The following PDE3A variants were observed in gnomAD, a reference collection of about 807,000 sequenced individuals.
PDE3A encodes cGMP-inhibited 3',5'-cyclic phosphodiesterase 3A.
A neutral mutation model predicts 98.3 loss-of-function variants in PDE3A; 43 were observed. The ratio of observed to expected loss-of-function variants is 0.44; its 90% confidence interval spans 0.34 to 0.56. PDE3A has a LOEUF of 0.56. PDE3A is among the 20% of genes least tolerant of loss of function. The probability of loss-of-function intolerance (pLI) is 0.01; values close to 1 mark genes in which losing one functional copy is unlikely to be tolerated. For synonymous variants in PDE3A, 663 were observed against 567.9 expected (o/e 1.17, Z -2.38); for missense variants, 1,427 against 1,440.7 (o/e 0.99, Z 0.15).
At chr12:20,658,838 G>T (rs1335271135) in intron 15 of PDE3A, among the ~76,000 whole-genome samples, 2 of 152,098 alleles carry the variant, frequency 1.3e-5, no homozygotes, top group Non-Finnish European at 2.9e-5. Flanking sequence ...ATATTCCAGA[G>T]GGGCAGAGAA....
intron 2 of PDE3A, among the ~76,000 whole-genome samples, chr12:20,609,112 T>C (rs751261287): frequency 2.0e-5 from 3 of 152,018 alleles, no homozygotes; most frequent in Non-Finnish European, 4.4e-5. Flanking sequence ...CATTAAAAAA[T>C]TGAATAATGA....
chr12:20,438,260 G>T (rs1236853158), intron 1 of PDE3A, among the ~76,000 whole-genome samples: 1 of 151,994 alleles, frequency 6.6e-6, no homozygotes, highest in African/African-American at 2.4e-5. Context: ...TTTATCTTCA[G>T]CACAGCCAGC....
Position 20,507,671 on chromosome 12 carries a change from A to G in PDE3A, c.961-48989A>G, listed in dbSNP as rs150444692. On this transcript the variant is annotated intron_variant, in intron 1 of 15. Coordinates refer to ENST00000359062, the MANE Select transcript of PDE3A (RefSeq NM_000921.5). ...TTTCTAACAGCTGATGGCAACTCCAACCTTCCGCTTACTCTGTCAGAAATC... is the reference window on the plus strand; with the variant it reads ...TTTCTAACAGCTGATGGCAACTCCAGCCTTCCGCTTACTCTGTCAGAAATC... Among the ~76,000 whole-genome samples the G allele has an allele frequency of 2.9e-3, 438 of 152,012 alleles. 7 individuals are homozygous for G. In the Middle Eastern group the frequency reaches 0.041, roughly 14 times the overall value.
intron 1 of PDE3A, among the ~76,000 whole-genome samples, chr12:20,411,166 G>C (rs895418911): frequency 6.6e-6 from 1 of 151,942 alleles, no homozygotes; most frequent in Non-Finnish European, 1.5e-5. Context: ...TTACCATCTT[G>C]GTCATTTTTA....
At position 20,369,578 on chromosome 12, in the gene PDE3A, G is replaced by C. The variant is rs1240179857; in HGVS notation, c.294G>C (p.Ala98=). 3 of 1,554,712 alleles carry C rather than the reference G, an allele frequency of 1.9e-6. No homozygotes were observed. The highest frequency in any genetic ancestry group is 8.7e-7 in the Non-Finnish European group (1 of 1,150,778). Residue 98 remains alanine, a synonymous_variant, in exon 1 of 16, where the codon GCG becomes GCC. Transcript: ENST00000359062. ...AGCAGTGTAAGGAGGCGGCGGCGGC[G>C]GAGGAGGAGGAAGCAGCCCCGGGAG... ...DLEQCKEAAA[A]EEEEAAPGAE...
Position 20,369,851 on chromosome 12 carries a change from C to T in PDE3A, c.567C>T (p.Pro189=), listed in dbSNP as rs1943431045. The change falls in exon 1 of 16, where the codon CCC becomes CCT. Residue 189 remains proline (P), a synonymous_variant. Coordinates refer to ENST00000359062, the MANE Select transcript of PDE3A (RefSeq NM_000921.5). ...GVGEDHLLSL[P]AAGVVLSCLA... is the part of the protein sequence containing the mutation. Reference sequence around the variant, plus strand: ...GGGAGGATCACTTACTCTCACTCCCCGCCGCGGGGGTGGTGCTCAGCTGCT... The same window carrying T: ...GGGAGGATCACTTACTCTCACTCCCTGCCGCGGGGGTGGTGCTCAGCTGCT... 1.9e-6 allele frequency: 3 copies of T among 1,612,042 alleles called. No individual in the cohort carries two copies. Among genetic ancestry groups the T allele is most frequent in the Non-Finnish European group, 1.7e-6 (2 of 1,179,332 alleles).
chr12:20,522,856 A>G lies in PDE3A; in HGVS notation c.961-33804A>G, dbSNP rs1056635452. 2.0e-5 allele frequency among the ~76,000 whole-genome samples: 3 copies of G among 152,234 alleles called. No homozygotes were observed. In the East Asian group the frequency reaches 5.8e-4, roughly 29 times the overall value. ...GGGGAAGAATAACACATTTTATTTT[A>G]GAAAAGTTGTTTCAAAAGCTCATTA... On this transcript the variant is annotated intron_variant, in intron 1 of 15. Transcript: ENST00000359062.
Position 20,514,106 on chromosome 12 carries a change from T to G in PDE3A, c.961-42554T>G, listed in dbSNP as rs189717153. On this transcript the variant is annotated intron_variant, in intron 1 of 15. Transcript: ENST00000359062. Reference sequence around the variant, plus strand: ...TGCCCAGGTTTCACCCTAAAATAATTAAATCCACATCTCTGGGGTGAGACA... The same window carrying G: ...TGCCCAGGTTTCACCCTAAAATAATGAAATCCACATCTCTGGGGTGAGACA... Among the ~76,000 whole-genome samples, 438 of 152,288 alleles carry G rather than the reference T, an allele frequency of 2.9e-3. 7 individuals are homozygous for G. In the Middle Eastern group the frequency reaches 0.041, roughly 14 times the overall value.
At chr12:20,657,315 C>G (rs550627134) in intron 15 of PDE3A, among the ~76,000 whole-genome samples, 1 of 152,218 alleles carries the variant, frequency 6.6e-6, no homozygotes, top group Non-Finnish European at 1.5e-5. Context: ...ACCTAGGTCT[C>G]TTAATTTTTA....
At chr12:20,634,293 A>G (rs569910522) in intron 7 of PDE3A, among the ~76,000 whole-genome samples, 1 of 152,360 alleles carries the variant, frequency 6.6e-6, no homozygotes, top group East Asian at 1.9e-4. Context: ...GTCAGCTATG[A>G]GAAATGTCAC....
chr12:20,437,121 G>T (rs1460177801), intron 1 of PDE3A, among the ~76,000 whole-genome samples: 3 of 151,798 alleles, frequency 2.0e-5, no homozygotes, highest in Non-Finnish European at 2.9e-5. Context: ...CTACACATCT[G>T]GACTGTGCTA....
intron 1 of PDE3A, among the ~76,000 whole-genome samples, chr12:20,446,128 C>G (rs534542326): frequency 6.6e-6 from 1 of 152,154 alleles, no homozygotes; most frequent in Non-Finnish European, 1.5e-5. Context: ...TGAAATGAAG[C>G]CCTTCCCATC....
At chr12:20,505,204 A>G (rs1946094383) in intron 1 of PDE3A, among the ~76,000 whole-genome samples, 1 of 152,046 alleles carries the variant, frequency 6.6e-6, no homozygotes, top group Admixed American at 6.6e-5. Context: ...GGTACAGTAA[A>G]TTCATAATGC....
At chr12:20,492,192 G>C (rs780253903) in intron 1 of PDE3A, among the ~76,000 whole-genome samples, 5 of 152,144 alleles carry the variant, frequency 3.3e-5, no homozygotes, top group African/African-American at 4.8e-5. Context: ...CGTTGTCCAA[G>C]CTGGTCTCAA....
intron 2 of PDE3A, among the ~76,000 whole-genome samples, chr12:20,597,712 C>T (rs896046960): frequency 3.9e-5 from 6 of 152,146 alleles, no homozygotes; most frequent in Non-Finnish European, 7.3e-5. Context: ...AGGGTTTTCT[C>T]CTTTATCCTC....
intron 15 of PDE3A, among the ~76,000 whole-genome samples, chr12:20,670,055 C>A (rs1250956881): frequency 6.7e-6 from 1 of 150,172 alleles, no homozygotes; most frequent in Non-Finnish European, 1.5e-5. Context: ...ATCCTAGTCT[C>A]TGATAAAACA....
chr12:20,653,326 A>T (rs552542681), intron 14 of PDE3A, among the ~76,000 whole-genome samples: 1 of 152,234 alleles, frequency 6.6e-6, no homozygotes, highest in African/African-American at 2.4e-5. Context: ...AAAAAAGGAA[A>T]ATAGGCTACA....
intron 1 of PDE3A, among the ~76,000 whole-genome samples, chr12:20,389,117 T>A (rs1448307366): frequency 6.6e-6 from 1 of 151,894 alleles, no homozygotes; most frequent in Non-Finnish European, 1.5e-5. Flanking sequence ...TTCCACCCAG[T>A]TTTTACGGTT....
At chr12:20,620,589 G>T (rs554436247) in intron 4 of PDE3A, among the ~76,000 whole-genome samples, 29 of 152,100 alleles carry the variant, frequency 1.9e-4, no homozygotes, top group African/African-American at 6.7e-4. Context: ...CTCTAGTTCA[G>T]TCTTCCATGA....
Sources: allele counts gnomAD v4.1 joint callset (sites outside exome capture counted in the v4.1 genomes callset), GRCh38; gene constraint gnomAD v4.1.1; transcripts MANE v1.5; gene names NCBI Gene and HGNC (gene_info 2026-07-23, HGNC 2026-07-21).